The following GPR139 variants were observed in gnomAD, a reference collection of about 807,000 sequenced individuals.
The protein encoded by GPR139 is probable G protein-coupled receptor 139.
Under a neutral mutation model 25.8 loss-of-function variants are expected in GPR139, and 12 were observed. That is an observed-to-expected ratio of 0.47 (90% CI 0.30 to 0.75). The LOEUF is 0.75. GPR139 is among the 30% of genes least tolerant of loss of function. GPR139 has a pLI of 0.07. For missense variants in GPR139, 380 were observed against 450.2 expected (o/e 0.84, Z 1.41); for synonymous variants, 184 against 179.9 (o/e 1.02, Z -0.18).
intron 1 of GPR139, among the ~76,000 whole-genome samples, chr16:20,067,965 A>G (rs2057442285): frequency 1.3e-5 from 2 of 152,152 alleles, no homozygotes; most frequent in Non-Finnish European, 2.9e-5. Context: ...GAAAAAGAGT[A>G]AATGTGGGAC....
At chr16:20,065,515 G>A (rs569477512) in intron 1 of GPR139, among the ~76,000 whole-genome samples, 2 of 152,294 alleles carry the variant, frequency 1.3e-5, no homozygotes, top group East Asian at 3.9e-4. Context: ...TTGGGGAAGT[G>A]TCTCAAAGTT....
At chr16:20,040,851 T>G (rs995923572) in intron 1 of GPR139, among the ~76,000 whole-genome samples, 1 of 152,112 alleles carries the variant, frequency 6.6e-6, no homozygotes, top group African/African-American at 2.4e-5. Flanking sequence ...TGAGCACAGT[T>G]GCTCAGTCCA....
intron 1 of GPR139, among the ~76,000 whole-genome samples, chr16:20,049,950 T>G (rs2057366504): frequency 1.3e-5 from 2 of 152,202 alleles, no homozygotes; most frequent in African/African-American, 4.8e-5. Flanking sequence ...TCAAGCCCAC[T>G]CAGGCCAGCT....
intron 1 of GPR139, among the ~76,000 whole-genome samples, chr16:20,045,326 G>A (rs533466173): frequency 1.3e-5 from 2 of 152,084 alleles, no homozygotes; most frequent in East Asian, 3.9e-4. Context: ...ATCCTCATAC[G>A]ACATCATGAG....
chr16:20,035,552 G>A (rs2057307113), intron 1 of GPR139, among the ~76,000 whole-genome samples: 1 of 152,210 alleles, frequency 6.6e-6, no homozygotes, highest in South Asian at 2.1e-4. Flanking sequence ...TAGCCTGCAT[G>A]GAGCTTAGAT....
At chr16:20,054,110 C>T (rs1295649513) in intron 1 of GPR139, among the ~76,000 whole-genome samples, 1 of 152,132 alleles carries the variant, frequency 6.6e-6, no homozygotes, top group Non-Finnish European at 1.5e-5. Context: ...TAGCACAGTA[C>T]CTGACACACA....
In GPR139 at chr16:20,041,766, G is replaced by A. The variant is rs140039288; in HGVS notation, c.128-9097C>T. Among the ~76,000 whole-genome samples, 285 of 152,230 alleles carry A rather than the reference G, an allele frequency of 1.9e-3. 1 individual carries two copies. Among genetic ancestry groups the A allele is most frequent in the African/African-American group, 6.7e-3 (279 of 41,534 alleles). On this transcript the variant is annotated intron_variant, in intron 1 of 1. Transcript: ENST00000570682. ...TGGCCAGTGGCCATCCTTGTTTTCT[G>A]TTGTTCCTCTTGCCCCAAGGCAGAA... is the stretch of plus-strand genomic sequence containing the variant.
Position 20,051,497 on chromosome 16 carries a change from C to T in GPR139, c.128-18828G>A, listed in dbSNP as rs184597830. Among the ~76,000 whole-genome samples, 14 of 152,272 alleles carry T rather than the reference C, an allele frequency of 9.2e-5. No homozygotes were observed. The East Asian group carries it at 9.7e-4, about 11-fold the overall frequency. The stretch of plus-strand genomic sequence containing the variant: ...AAGTGGCAGCATCTGTACCAGGAGA[C>T]GTGGACAGGCAGGGAACAGGCCATG... On this transcript the variant is annotated intron_variant, in intron 1 of 1. Transcript: ENST00000570682.
chr16:20,065,309 C>T (rs1478354585), intron 1 of GPR139, among the ~76,000 whole-genome samples: 4 of 152,182 alleles, frequency 2.6e-5, no homozygotes, highest in East Asian at 1.9e-4. Context: ...CAACACTAAA[C>T]CACTGGCTGG....
At chr16:20,058,334 A>AGT (rs56090244) in intron 1 of GPR139, among the ~76,000 whole-genome samples, 2,102 of 149,768 alleles carry the variant, frequency 0.014, 7 homozygotes, top group Middle Eastern at 0.024. Flanking sequence ...ATGGATGTGG[A>AGT]GTGTGTGTGT....
At chr16:20,056,833 T>G (rs2057389926) in intron 1 of GPR139, among the ~76,000 whole-genome samples, 1 of 152,112 alleles carries the variant, frequency 6.6e-6, no homozygotes, top group South Asian at 2.1e-4. Context: ...AGGAGAAATT[T>G]TTTTCAGGGG....
Position 20,073,674 on chromosome 16 carries a change from T to G in GPR139, c.-58A>C. 6.7e-7 allele frequency: 1 copy of G among 1,491,862 alleles called. No homozygotes were observed. Among genetic ancestry groups the G allele is most frequent in the Non-Finnish European group, 8.9e-7 (1 of 1,122,246 alleles). 92.4% of individuals were successfully genotyped at this position (1,491,862 alleles called of 1,614,324 possible). On this transcript the variant is annotated 5_prime_UTR_variant, in exon 1 of 2. Transcript: ENST00000570682. This position sits in a 1 kb window ranked among gnomAD's most constrained non-coding sequence, Gnocchi z 4.7. ...GCCCGGCCTGCCAGCCCGACTCTGG[T>G]CGCCGGCTCGGTGGTGGCGGCGGCG...
chr16:20,034,737 T>C (rs1394871752), intron 1 of GPR139, among the ~76,000 whole-genome samples: 1 of 152,246 alleles, frequency 6.6e-6, no homozygotes, highest in Non-Finnish European at 1.5e-5. Context: ...ACTGCCATTC[T>C]ATATACTGCT....
chr16:20,059,661 G>A (rs1567239526), intron 1 of GPR139, among the ~76,000 whole-genome samples: 1 of 152,176 alleles, frequency 6.6e-6, no homozygotes, highest in Non-Finnish European at 1.5e-5. Flanking sequence ...CTCATGCAGG[G>A]ACTTCTTCGT....
At chr16:20,055,404 G>A (rs2057385507) in intron 1 of GPR139, among the ~76,000 whole-genome samples, 1 of 152,166 alleles carries the variant, frequency 6.6e-6, no homozygotes, top group South Asian at 2.1e-4. Flanking sequence ...TGTGCACTCT[G>A]TCTCCTGGGT....
rs989797772 is a variant in GPR139 at position 20,029,398 on chromosome 16, C to T, written c.*2337G>A. Among the ~76,000 whole-genome samples, 1 of 151,764 alleles carries T rather than the reference C, an allele frequency of 6.6e-6. No individual in the cohort carries two copies. Among genetic ancestry groups the T allele is most frequent in the Non-Finnish European group, 1.5e-5 (1 of 67,978 alleles). On this transcript the variant is annotated 3_prime_UTR_variant, in exon 2 of 2. Transcript: ENST00000570682. ...ACATTCTCAAAAAGGAATTGCTTAA[C>T]CTTTGTAGATATTGCACTTTGACTC...
chr16:20,065,944 T>C lies in GPR139; in HGVS notation c.127+7546A>G, dbSNP rs139745372. Among the ~76,000 whole-genome samples the C allele has an allele frequency of 4.6e-5, 7 of 152,016 alleles. No individual in the cohort carries two copies. The East Asian group carries it at 9.7e-4, about 21-fold the overall frequency. On this transcript the variant is annotated intron_variant, in intron 1 of 1. Coordinates refer to ENST00000570682, the MANE Select transcript of GPR139 (RefSeq NM_001002911.4). Reference sequence around the variant, plus strand: ...AGTGTTTTGAAGAATGCTTAGTACATAGTAAGCACTATAAGTGTGTCAGCA... The same window carrying C: ...AGTGTTTTGAAGAATGCTTAGTACACAGTAAGCACTATAAGTGTGTCAGCA...
At chr16:20,041,225 G>GCATCTCTCTCT in intron 1 of GPR139, among the ~76,000 whole-genome samples, 1 of 5,094 alleles carries the variant, frequency 2.0e-4, no homozygotes, top group Admixed American at 1.9e-3. Context: ...GGAGAGGAGA[G>GCATCTCTCTCT]GAGAGGAGAG....
intron 1 of GPR139, among the ~76,000 whole-genome samples, chr16:20,042,572 C>G (rs889202): frequency 0.86 from 130,252 of 152,060 alleles, 57,012 homozygotes; most frequent in Non-Finnish European, 0.95. Flanking sequence ...ACCCTTAAAA[C>G]CCATTATTGC....
Sources: gnomAD v4.1 joint callset for allele counts (sites outside exome capture counted in the v4.1 genomes callset) on GRCh38, gnomAD v4.1.1 for gene constraint, Gnocchi (gnomAD v3.1) non-coding constraint, MANE v1.5 for transcripts, NCBI Gene and HGNC (gene_info 2026-07-23, HGNC 2026-07-21) for gene names.